Variants in SCAMP4 observed in about 807,000 individuals in gnomAD.
SCAMP4 encodes secretory carrier-associated membrane protein 4.
Under a neutral mutation model 32.1 loss-of-function variants are expected in SCAMP4, and 19 were observed. That is an observed-to-expected ratio of 0.59 (90% CI 0.41 to 0.87). SCAMP4 has a LOEUF of 0.87. SCAMP4 is among the 40% of genes least tolerant of loss of function. The pLI, the probability that SCAMP4 is intolerant of heterozygous loss-of-function variation, is 0.00. For missense variants in SCAMP4, 302 were observed against 309.0 expected (o/e 0.98, Z 0.17); for synonymous variants, 152 against 132.7 (o/e 1.15, Z -1.00).
At position 1,918,124 on chromosome 19, in the gene SCAMP4, C is replaced by A. The variant is rs2013796135; in HGVS notation, c.137-3C>A. 1.2e-6 allele frequency: 2 copies of A among 1,608,020 alleles called. No individual in the cohort carries two copies. Among genetic ancestry groups the A allele is most frequent in the Admixed American group, 1.7e-5 (1 of 59,718 alleles). ...CTCATCCGTCCTCCCTCTCTCTTCG[C>A]AGTTTACTGCGCCACCCTCGGCGTC... On this transcript the variant is annotated splice_region_variant and splice_polypyrimidine_tract_variant and intron_variant, in intron 3 of 6. Transcript: ENST00000316097.
chr19:1,917,580 C>T (rs1176469531), intron 2 of SCAMP4, 114 bp from the exon 3 acceptor site: 1 of 1,184,886 alleles, frequency 8.4e-7, no homozygotes, highest in Non-Finnish European at 1.2e-6. Flanking sequence ...TCAATCCCAA[C>T]TGCAGAGTCC....
chr19:1,913,513 G>A (rs2013613091), intron 1 of SCAMP4: 1 of 284,896 alleles, frequency 3.5e-6, no homozygotes, highest in East Asian at 8.8e-5. Context: ...GGTCTGTACA[G>A]GGCCTGGTGG....
chr19:1,917,311 AAG>A (rs1402344142), intron 2 of SCAMP4, among the ~76,000 whole-genome samples: 1 of 147,408 alleles, frequency 6.8e-6, no homozygotes, highest in African/African-American at 2.7e-5. Context: ...GTCTCAAAAA[AAG>A]AGTCATAAAC....
intron 1 of SCAMP4, 119 bp downstream of exon 1, chr19:1,905,558 C>T: frequency 3.4e-6 from 1 of 297,008 alleles, no homozygotes; most frequent in Non-Finnish European, 7.5e-6. Flanking sequence ...GGGGAGAAAA[C>T]GGGGGGCCCA....
At chr19:1,907,125 T>G (rs2013165780) in intron 1 of SCAMP4, 1 of 151,438 alleles carries the variant, frequency 6.6e-6, no homozygotes. Flanking sequence ...AGGCAGAGGT[T>G]GCAGTGAGCC....
rs771703773 is a variant in SCAMP4 at position 1,917,691 on chromosome 19, C to T, written c.8-3C>T. The T allele has an allele frequency of 5.6e-6, 9 of 1,613,786 alleles. No homozygotes were observed. The South Asian group carries it at 9.9e-5, about 18-fold the overall frequency. ...TCTGTCCGTGGGTTCTCTGTCCCTACAGAAAAGGAGAACAACTTCCCGCCA... is the reference window on the plus strand; with the variant it reads ...TCTGTCCGTGGGTTCTCTGTCCCTATAGAAAAGGAGAACAACTTCCCGCCA... On this transcript the variant is annotated splice_region_variant and splice_polypyrimidine_tract_variant and intron_variant, in intron 2 of 6. Coordinates refer to ENST00000316097, the MANE Select transcript of SCAMP4 (RefSeq NM_079834.4).
intron 5 of SCAMP4, 49 bp from the exon 6 acceptor site, chr19:1,923,021 C>G: frequency 6.7e-7 from 1 of 1,487,296 alleles, no homozygotes; most frequent in Non-Finnish European, 9.0e-7. Flanking sequence ...ACCATGGGCC[C>G]TCATCCAGCA....
Position 1,924,233 on chromosome 19 carries a change from G to T in SCAMP4, c.639G>T (p.Leu213=). 1 of 1,606,218 alleles carries T rather than the reference G, an allele frequency of 6.2e-7. No individual in the cohort carries two copies. The change falls in exon 7 of 7, where the codon CTG becomes CTT. Residue 213 remains leucine (L), a synonymous_variant. Transcript: ENST00000316097. ...ACAACAACTTCTCAGGCAACAGCCT[G>T]CCCGAGTACCCCACTGTGCCCAGCT... ...AQYNNFSGNS[L]PEYPTVPSYP...
chr19:1,908,393 C>T lies in SCAMP4; in HGVS notation c.-42+2954C>T. On this transcript the variant is annotated intron_variant, in intron 1 of 6. Transcript: ENST00000316097. This position sits in a 1 kb window ranked among gnomAD's most constrained non-coding sequence, Gnocchi z 4.2. ...GCTGGTCCCCCATCTGTGGGGCGCC[C>T]CGGCGGCTGAGGCGTGGACCAGGCA... 1 of 418,318 alleles carries T rather than the reference C, an allele frequency of 2.4e-6. No individual in the cohort carries two copies. Among genetic ancestry groups the T allele is most frequent in the South Asian group, 1.8e-5 (1 of 57,042 alleles). The allele number at this position is 418,318 out of a possible 1,614,324, so 25.9% of individuals were successfully genotyped here.
At chr19:1,909,380 C>T (rs1207343340) in intron 1 of SCAMP4, among the ~76,000 whole-genome samples, 8 of 152,220 alleles carry the variant, frequency 5.3e-5, no homozygotes, top group Non-Finnish European at 8.8e-5. Context: ...TTCTAATGGG[C>T]GGATCCCGAG....
chr19:1,910,914 T>A (rs757964678), intron 1 of SCAMP4, among the ~76,000 whole-genome samples: 2 of 151,788 alleles, frequency 1.3e-5, no homozygotes, highest in African/African-American at 2.4e-5. Context: ...GTTACCAGGC[T>A]GGAGTGCAGT....
Position 1,912,824 on chromosome 19 carries a change from C to A in SCAMP4, c.-41-2155C>A, listed in dbSNP as rs921199964. On this transcript the variant is annotated intron_variant, in intron 1 of 6. Transcript: ENST00000316097. ...GCCAGGGCCGCGGCACCTACGACTT[C>A]AGACCCTTCCCCGCCTGCTCCTTCG... is the stretch of plus-strand genomic sequence containing the variant. 1.2e-5 allele frequency: 19 copies of A among 1,590,370 alleles called. No individual in the cohort carries two copies. The highest frequency in any genetic ancestry group is 1.1e-4 in the African/African-American group (8 of 74,486).
At chr19:1,907,694 C>T (rs2013205761) in intron 1 of SCAMP4, among the ~76,000 whole-genome samples, 2 of 152,202 alleles carry the variant, frequency 1.3e-5, no homozygotes, top group African/African-American at 2.4e-5. Flanking sequence ...CCAGCCCAGG[C>T]TGGCGGCCGT....
At chr19:1,913,571 C>A in intron 1 of SCAMP4, 1 of 200,338 alleles carries the variant, frequency 5.0e-6, no homozygotes, top group Non-Finnish European at 1.0e-5. Flanking sequence ...GAGACCTGGG[C>A]TGATTCTGGG....
chr19:1,909,192 A>G (rs1180576987), intron 1 of SCAMP4, among the ~76,000 whole-genome samples: 1 of 149,978 alleles, frequency 6.7e-6, no homozygotes, highest in Non-Finnish European at 1.5e-5. Context: ...GGGCAGATGC[A>G]GGTGGGGGAA....
chr19:1,921,189 G>T (rs1289121426), intron 5 of SCAMP4: 7 of 984,774 alleles, frequency 7.1e-6, no homozygotes, highest in Non-Finnish European at 8.4e-6. Flanking sequence ...TGTCCTGGGC[G>T]GCTTCACCAG....
chr19:1,922,340 G>A (rs2013944457), intron 5 of SCAMP4: 2 of 857,576 alleles, frequency 2.3e-6, no homozygotes, highest in South Asian at 5.3e-5. Flanking sequence ...GCTCACTGCA[G>A]CCTCCCGCTT....
rs764329582 is a variant in SCAMP4 at position 1,912,163 on chromosome 19, C to T, written c.-41-2816C>T. The T allele has an allele frequency of 8.3e-6, 13 of 1,571,954 alleles. No individual in the cohort carries two copies. Among genetic ancestry groups the T allele is most frequent in the Middle Eastern group, 1.7e-4 (1 of 6,002 alleles). On this transcript the variant is annotated intron_variant, in intron 1 of 6. Coordinates refer to ENST00000316097, the MANE Select transcript of SCAMP4 (RefSeq NM_079834.4). ...GAGGCCGGGAGCCCGGAGCCTGAGC[C>T]GGCGCCGTGGCAGGCCCTCCCTGTC...
intron 1 of SCAMP4, chr19:1,913,042 C>A (rs752026629): frequency 1.2e-6 from 2 of 1,603,682 alleles, no homozygotes; most frequent in Non-Finnish European, 1.7e-6. Context: ...CCCGACGGCG[C>A]CCTGGGCACC....
Sources: allele counts gnomAD v4.1 joint callset (sites outside exome capture counted in the v4.1 genomes callset), GRCh38; gene constraint gnomAD v4.1.1; non-coding constraint Gnocchi (gnomAD v3.1); transcripts MANE v1.5; gene names NCBI Gene and HGNC (gene_info 2026-07-23, HGNC 2026-07-21).